Variants in PRUNE2 observed in about 807,000 individuals in gnomAD.
The protein encoded by PRUNE2 is prune homolog 2 with BCH domain, also known as protein prune homolog 2.
Under a neutral mutation model 252.0 loss-of-function variants are expected in PRUNE2, and 164 were observed. The observed-to-expected ratio is 0.65, with a 90% CI of 0.57 to 0.74. The LOEUF is 0.74. PRUNE2 is among the 30% of genes least tolerant of loss of function. PRUNE2 has a pLI of 0.00. For missense variants in PRUNE2, 3,495 were observed against 3,711.0 expected (o/e 0.94, Z 1.51); for synonymous variants, 1,292 against 1,350.2 (o/e 0.96, Z 0.94).
At chr9:76,816,550 C>T (rs1564365268) in intron 6 of PRUNE2, among the ~76,000 whole-genome samples, 3 of 152,122 alleles carry the variant, frequency 2.0e-5, no homozygotes, top group Admixed American at 6.5e-5. Flanking sequence ...TGCCTCACAC[C>T]GACTGACTGT....
At chr9:76,628,563 A>G (rs1291625872) in intron 16 of PRUNE2, among the ~76,000 whole-genome samples, 1 of 152,264 alleles carries the variant, frequency 6.6e-6, no homozygotes, top group Admixed American at 6.5e-5. Flanking sequence ...GGGGGACACA[A>G]GAAACTGATA....
At chr9:76,739,486 TATA>T (rs1459417004) in intron 6 of PRUNE2, 11 of 151,932 alleles carry the variant, frequency 7.2e-5, no homozygotes, top group African/African-American at 2.7e-4. Context: ...TATAAGTCTA[TATA>T]ATCGCTTACC....
At chr9:76,805,499 G>A (rs2131627845) in intron 6 of PRUNE2, among the ~76,000 whole-genome samples, 1 of 152,236 alleles carries the variant, frequency 6.6e-6, no homozygotes, top group East Asian at 1.9e-4. Context: ...GAAGGTTGAG[G>A]TGGGAAGATC....
chr9:76,749,244 G>C (rs541451292), intron 6 of PRUNE2, among the ~76,000 whole-genome samples: 1 of 152,126 alleles, frequency 6.6e-6, no homozygotes, highest in South Asian at 2.1e-4. Context: ...CTCAGATAAG[G>C]GCAAAACTGA....
Position 76,629,249 on chromosome 9 carries a change from G to T in PRUNE2, c.9092C>A (p.Ser3031Ter). 1 of 1,596,792 alleles carries T rather than the reference G, an allele frequency of 6.3e-7. No individual in the cohort carries two copies. The highest frequency in any genetic ancestry group is 8.5e-7 in the Non-Finnish European group (1 of 1,170,850). Residue 3031 changes from serine (S) to a stop codon, truncating the protein, a stop_gained, in exon 16 of 19, where the codon TCA becomes TAA. Transcript: ENST00000376718. LOFTEE classifies it high-confidence loss of function. ...SSKIKYVNSLSELSGLIPMDC... is the reference protein window; with the variant it reads ...SSKIKYVNSL Reference sequence around the variant, plus strand: ...CATTGGGATCAGCCCACTGAGTTCTGATAAGCTATTGACATATTTAATTTT... The same window carrying T: ...CATTGGGATCAGCCCACTGAGTTCTTATAAGCTATTGACATATTTAATTTT...
intron 9 of PRUNE2, among the ~76,000 whole-genome samples, chr9:76,676,800 G>C (rs1156305417): frequency 6.6e-6 from 1 of 152,070 alleles, no homozygotes; most frequent in Non-Finnish European, 1.5e-5. Context: ...ACATAATCGG[G>C]GCTCCTGACA....
intron 4 of PRUNE2, among the ~76,000 whole-genome samples, chr9:76,830,390 C>G (rs531647034): frequency 1.3e-5 from 2 of 152,128 alleles, no homozygotes; most frequent in Non-Finnish European, 2.9e-5. Context: ...CGGTGGCTCA[C>G]ACCTGTAATC....
chr9:76,639,855 C>T (rs1039088914), intron 12 of PRUNE2, among the ~76,000 whole-genome samples: 1 of 152,176 alleles, frequency 6.6e-6, no homozygotes, highest in African/African-American at 2.4e-5. Context: ...CATGTAGATA[C>T]ATCTCAGGAC....
chr9:76,633,825 T>C (rs1315555287), intron 15 of PRUNE2, among the ~76,000 whole-genome samples: 1 of 152,068 alleles, frequency 6.6e-6, no homozygotes, highest in African/African-American at 2.4e-5. Context: ...GTAAACAGTA[T>C]CTGCTTCAGG....
At chr9:76,770,374 T>C (rs886393154) in intron 6 of PRUNE2, among the ~76,000 whole-genome samples, 1 of 152,166 alleles carries the variant, frequency 6.6e-6, no homozygotes, top group Admixed American at 6.6e-5. Context: ...TTTTTTAAAG[T>C]GATAAAGTTT....
chr9:76,748,913 G>A (rs1029033305), intron 6 of PRUNE2, among the ~76,000 whole-genome samples: 2 of 152,166 alleles, frequency 1.3e-5, no homozygotes, highest in African/African-American at 4.8e-5. Context: ...GGTGAACCTA[G>A]AATTAATACG....
At chr9:76,787,721 G>A (rs561691108) in intron 6 of PRUNE2, among the ~76,000 whole-genome samples, 5 of 152,260 alleles carry the variant, frequency 3.3e-5, no homozygotes, top group African/African-American at 1.2e-4. Flanking sequence ...CAGTCCTGCA[G>A]CAGCTTCAAC....
At chr9:76,868,416 A>C (rs960010553) in intron 1 of PRUNE2, among the ~76,000 whole-genome samples, 3 of 152,214 alleles carry the variant, frequency 2.0e-5, no homozygotes, top group Non-Finnish European at 4.4e-5. Flanking sequence ...AGGTGTCCAC[A>C]CATACACTCA....
chr9:76,665,929 ACTAGAT>A, intron 9 of PRUNE2, among the ~76,000 whole-genome samples: 1 of 152,312 alleles, frequency 6.6e-6, no homozygotes, highest in African/African-American at 2.4e-5. Context: ...CAAGAATTAT[ACTAGAT>A]CTAGATCATA....
chr9:76,803,046 T>A (rs564537610), intron 6 of PRUNE2, among the ~76,000 whole-genome samples: 1 of 152,332 alleles, frequency 6.6e-6, no homozygotes, highest in South Asian at 2.1e-4. Context: ...GTTCGCTCTT[T>A]CCCTCAATGC....
Position 76,710,887 on chromosome 9 carries a change from G to T in PRUNE2, c.1387C>A (p.Leu463Ile). The T allele has an allele frequency of 6.5e-7, 1 of 1,543,826 alleles. No individual in the cohort carries two copies. Among genetic ancestry groups the T allele is most frequent in the Non-Finnish European group, 8.7e-7 (1 of 1,146,964 alleles). The change falls in exon 8 of 19, where the codon CTC (leucine) becomes ATC (isoleucine). Residue 463 changes from leucine to isoleucine, a missense_variant. By Grantham distance (5) the Leu-to-Ile change is conservative. Transcript: ENST00000376718. ...GEGAGPHHTLLPGLDSYSPIP... is the reference protein window; with the variant it reads ...GEGAGPHHTLIPGLDSYSPIP... ...GGGCTGTAGGAGTCAAGCCCTGGGA[G>T]AAGGGTGTGGTGAGGCCCAGCACCT...
At chr9:76,856,158 G>A (rs1466661963) in intron 1 of PRUNE2, among the ~76,000 whole-genome samples, 1 of 152,168 alleles carries the variant, frequency 6.6e-6, no homozygotes, top group Admixed American at 6.5e-5. Flanking sequence ...TAGGTCAGAG[G>A]AGTCTGTGAT....
At position 76,710,306 on chromosome 9, in the gene PRUNE2, C is replaced by T; in HGVS notation, c.1968G>A (p.Trp656Ter). ...PPQTHARCSS[W>*]WGGLEIDSKN... ...TGGAGTCAATTTCCAAACCACCCCA[C>T]CAGCTGCTGCACCGTGCATGGGTCT... Residue 656 changes from tryptophan to a stop codon, truncating the protein, a stop_gained, in exon 8 of 19, where the codon TGG becomes TGA. Transcript: ENST00000376718. LOFTEE classifies it high-confidence loss of function. The T allele has an allele frequency of 3.1e-6, 5 of 1,614,006 alleles. No individual in the cohort carries two copies. Among genetic ancestry groups the T allele is most frequent in the Admixed American group, 1.7e-5 (1 of 60,004 alleles).
In PRUNE2 at chr9:76,697,428, T is replaced by C. The variant is rs534018105; in HGVS notation, c.8276+5909A>G. Among the ~76,000 whole-genome samples, 3 of 152,164 alleles carry C rather than the reference T, an allele frequency of 2.0e-5. No individual in the cohort carries two copies. The East Asian group carries it at 5.8e-4, about 29-fold the overall frequency. ...TCCCTCTGGCCTCCAACCACTCGAGTTGGTCCCACACACCACAGATGGGGA... is the reference window on the plus strand; with the variant it reads ...TCCCTCTGGCCTCCAACCACTCGAGCTGGTCCCACACACCACAGATGGGGA... On this transcript the variant is annotated intron_variant, in intron 9 of 18. Coordinates refer to ENST00000376718, the MANE Select transcript of PRUNE2 (RefSeq NM_015225.3).
Sources: allele counts gnomAD v4.1 joint callset (sites outside exome capture counted in the v4.1 genomes callset), GRCh38; gene constraint gnomAD v4.1.1; transcripts MANE v1.5; gene names NCBI Gene and HGNC (gene_info 2026-07-23, HGNC 2026-07-21).